TBC1D8: variants seen among roughly 807,000 people sequenced by gnomAD.
TBC1D8 encodes the protein TBC1 domain family member 8.
TBC1D8 carries 65 observed loss-of-function variants against 118.8 expected under a neutral mutation model. The ratio of observed to expected loss-of-function variants is 0.55; its 90% confidence interval spans 0.45 to 0.67. The LOEUF is 0.67. Among genes scored for constraint, TBC1D8 ranks in the 30% least tolerant of loss-of-function variants. The probability of loss-of-function intolerance (pLI) is 0.00; values close to 1 mark genes in which losing one functional copy is unlikely to be tolerated. For synonymous variants in TBC1D8, 566 were observed against 595.8 expected (o/e 0.95, Z 0.73); for missense variants, 1,376 against 1,471.2 (o/e 0.94, Z 1.06).
chr2:101,115,523 G>C (rs1418357732), intron 1 of TBC1D8, among the ~76,000 whole-genome samples: 1 of 152,080 alleles, frequency 6.6e-6, no homozygotes, highest in Non-Finnish European at 1.5e-5. Flanking sequence ...GGCCAAGGCA[G>C]GTGGATCACT....
At chr2:101,034,621 GTGTC>G (rs769873473) in intron 9 of TBC1D8, among the ~76,000 whole-genome samples, 5 of 152,212 alleles carry the variant, frequency 3.3e-5, no homozygotes, top group Non-Finnish European at 7.3e-5. Flanking sequence ...GTGTGCACGT[GTGTC>G]TGTGCAGGCA....
chr2:101,017,838 C>T (rs2105371185), intron 17 of TBC1D8: 1 of 1,550,362 alleles, frequency 6.5e-7, no homozygotes, highest in East Asian at 2.4e-5. Flanking sequence ...AGTGAAGCAG[C>T]TACATGCAAT....
At chr2:101,017,408 C>T (rs917355587) in intron 17 of TBC1D8, among the ~76,000 whole-genome samples, 4 of 152,116 alleles carry the variant, frequency 2.6e-5, no homozygotes, top group African/African-American at 9.7e-5. Flanking sequence ...TTTTATACAA[C>T]GGCAATAGAG....
chr2:101,092,402 T>C (rs1676098743), intron 1 of TBC1D8, among the ~76,000 whole-genome samples: 1 of 152,192 alleles, frequency 6.6e-6, no homozygotes, highest in East Asian at 1.9e-4. Context: ...TGACTCAAAT[T>C]GGGGCTGCCA....
At chr2:101,013,269 C>T (rs1363642911) in intron 17 of TBC1D8, among the ~76,000 whole-genome samples, 2 of 152,158 alleles carry the variant, frequency 1.3e-5, no homozygotes, top group Non-Finnish European at 2.9e-5. Flanking sequence ...ACTCATTCCA[C>T]GATCTATTGA....
At position 101,027,358 on chromosome 2, in the gene TBC1D8, C is replaced by T. The variant is rs375152910; in HGVS notation, c.2520+25G>A. On this transcript the variant is annotated intron_variant, in intron 15 of 19. Coordinates refer to ENST00000409318, the MANE Select transcript of TBC1D8 (RefSeq NM_001330348.2). ...CTCAGGCCAGCTCAGGGCCTGGAACCCCTCATCTTCCCAGAGCTGCGTACC... is the reference window on the plus strand; with the variant it reads ...CTCAGGCCAGCTCAGGGCCTGGAACTCCTCATCTTCCCAGAGCTGCGTACC... The T allele has an allele frequency of 6.8e-6, 11 of 1,609,666 alleles. No homozygotes were observed. The Admixed American group carries it at 1.5e-4, about 22-fold the overall frequency.
At chr2:101,137,706 T>C (rs2104271347) in intron 1 of TBC1D8, among the ~76,000 whole-genome samples, 1 of 152,348 alleles carries the variant, frequency 6.6e-6, no homozygotes, top group East Asian at 1.9e-4. Context: ...GTGGAGTTAG[T>C]TTCCTACCAG....
At chr2:101,073,613 T>G (rs1292946345) in intron 2 of TBC1D8, among the ~76,000 whole-genome samples, 1 of 152,154 alleles carries the variant, frequency 6.6e-6, no homozygotes, top group Non-Finnish European at 1.5e-5. Flanking sequence ...TGTTTTAAAG[T>G]CAGTTGTGTA....
chr2:101,106,480 G>C (rs1677223645), intron 1 of TBC1D8, among the ~76,000 whole-genome samples: 2 of 152,226 alleles, frequency 1.3e-5, no homozygotes, highest in African/African-American at 4.8e-5. Flanking sequence ...GAGGGAAATA[G>C]GGGACAGCCC....
At chr2:101,054,621 A>T (rs549375597) in intron 3 of TBC1D8, among the ~76,000 whole-genome samples, 1 of 135,968 alleles carries the variant, frequency 7.4e-6, no homozygotes, top group Non-Finnish European at 1.6e-5. Context: ...TGGGCAAATC[A>T]TTTGACTTCT....
chr2:101,062,940 C>A (rs901650604), intron 2 of TBC1D8, among the ~76,000 whole-genome samples: 3 of 152,134 alleles, frequency 2.0e-5, no homozygotes, highest in African/African-American at 7.2e-5. Flanking sequence ...GCGCCCAGCC[C>A]TGCTAATTTG....
chr2:101,130,379 G>A lies in TBC1D8; in HGVS notation c.127+20748C>T, dbSNP rs137983300. On this transcript the variant is annotated intron_variant, in intron 1 of 19. Coordinates refer to ENST00000409318, the MANE Select transcript of TBC1D8 (RefSeq NM_001330348.2). Reference sequence around the variant, plus strand: ...GGGTCGCAGAGGGCTAAGCTAAGCTGTGCTTCCCCTCACCAAGTCGGACCC... The same window carrying A: ...GGGTCGCAGAGGGCTAAGCTAAGCTATGCTTCCCCTCACCAAGTCGGACCC... Among the ~76,000 whole-genome samples, 37 of 152,312 alleles carry A rather than the reference G, an allele frequency of 2.4e-4. 1 individual carries two copies. In the East Asian group the frequency reaches 7.1e-3, roughly 29 times the overall value.
At chr2:101,137,705 G>A (rs1163194265) in intron 1 of TBC1D8, among the ~76,000 whole-genome samples, 1 of 152,190 alleles carries the variant, frequency 6.6e-6, no homozygotes, top group Non-Finnish European at 1.5e-5. Flanking sequence ...AGTGGAGTTA[G>A]TTTCCTACCA....
chr2:101,009,467 A>G (rs1189108426), intron 19 of TBC1D8, among the ~76,000 whole-genome samples: 4 of 151,872 alleles, frequency 2.6e-5, no homozygotes, highest in Non-Finnish European at 4.4e-5. Flanking sequence ...TATTTGGGGG[A>G]AAAGATCCAT....
chr2:101,039,445 C>T (rs1681241912), intron 6 of TBC1D8, among the ~76,000 whole-genome samples: 3 of 152,178 alleles, frequency 2.0e-5, no homozygotes, highest in Non-Finnish European at 4.4e-5. Flanking sequence ...CAGTGAAACC[C>T]TCCTCTCTAA....
Position 101,021,702 on chromosome 2 carries a change from A to G in TBC1D8, c.2806T>C (p.Tyr936His). The change falls in exon 17 of 20, where the codon TAC (tyrosine) becomes CAC (histidine). Residue 936 changes from tyrosine (Y) to histidine (H), a missense_variant. Tyr to His is a moderately conservative substitution (Grantham distance 83). Transcript: ENST00000409318. The part of the protein sequence containing the change: ...GEMNEKIKLL[Y>H]RLHIPPALTE... ...TTACCTGGAGGGATATGAAGCCTGTATAATAGTTTAATCTTCTCATTCATT... is the reference window on the plus strand; with the variant it reads ...TTACCTGGAGGGATATGAAGCCTGTGTAATAGTTTAATCTTCTCATTCATT... 6.2e-7 allele frequency: 1 copy of G among 1,601,314 alleles called. No individual in the cohort carries two copies.
intron 19 of TBC1D8, among the ~76,000 whole-genome samples, chr2:101,010,612 C>T (rs58013398): frequency 1.3e-5 from 2 of 151,822 alleles, no homozygotes; most frequent in South Asian, 2.1e-4. Flanking sequence ...CGGTCGGGCG[C>T]GGTGGCTCAA....
Position 101,037,514 on chromosome 2 carries a change from G to A in TBC1D8, c.1452+18C>T. On this transcript the variant is annotated intron_variant, in intron 8 of 19. Transcript: ENST00000409318. Reference sequence around the variant, plus strand: ...GGCTCAGCTTTGTGGTCCAGCTTGGGCACCAGGCGTCACCCACCATTCGGG... The same window carrying A: ...GGCTCAGCTTTGTGGTCCAGCTTGGACACCAGGCGTCACCCACCATTCGGG... The A allele has an allele frequency of 6.2e-7, 1 of 1,609,766 alleles. No homozygotes were observed. Among genetic ancestry groups the A allele is most frequent in the East Asian group, 2.2e-5 (1 of 44,860 alleles).
intron 1 of TBC1D8, among the ~76,000 whole-genome samples, chr2:101,112,139 C>A (rs1677627667): frequency 6.6e-6 from 1 of 152,178 alleles, no homozygotes; most frequent in Admixed American, 6.5e-5. Context: ...ATCTGCTTTG[C>A]CTCAGACCAA....
Sources: allele counts gnomAD v4.1 joint callset (sites outside exome capture counted in the v4.1 genomes callset), GRCh38; gene constraint gnomAD v4.1.1; transcripts MANE v1.5; gene names NCBI Gene and HGNC (gene_info 2026-07-23, HGNC 2026-07-21).